The following FRS2 variants were observed in gnomAD, a reference collection of about 807,000 sequenced individuals.
FRS2 encodes the protein FGFR signalling adaptor.
A neutral mutation model predicts 43.9 loss-of-function variants in FRS2; 8 were observed. The ratio of observed to expected loss-of-function variants is 0.18; its 90% CI spans 0.11 to 0.33. FRS2 has a LOEUF of 0.33. Among genes scored for constraint, FRS2 ranks in the 10% least tolerant of loss-of-function variants. FRS2 has a pLI of 1.00. For missense variants in FRS2, 534 were observed against 627.6 expected, an observed-to-expected ratio of 0.85 and a Z score of 1.59; for synonymous variants, 219 against 220.3, an observed-to-expected ratio of 0.99 and a Z score of 0.05.
chr12:69,547,830 C>CTT (rs71094722), intron 3 of FRS2, among the ~76,000 whole-genome samples: 2,897 of 102,394 alleles, frequency 0.028, 599 homozygotes, highest in East Asian at 0.26. Flanking sequence ...TCCATTAATA[C>CTT]TTTTTTTTTT....
intron 1 of FRS2, among the ~76,000 whole-genome samples, chr12:69,475,880 A>G (rs1870717816): frequency 1.3e-5 from 2 of 152,090 alleles, no homozygotes; most frequent in South Asian, 2.1e-4. Flanking sequence ...AGCTAAATCT[A>G]TTGATATGTT....
intron 3 of FRS2, among the ~76,000 whole-genome samples, chr12:69,532,708 T>A: frequency 6.6e-6 from 1 of 152,210 alleles, no homozygotes. Context: ...GGAAGGGAAT[T>A]CACACATCTG....
chr12:69,496,576 A>G (rs534472701), intron 1 of FRS2, among the ~76,000 whole-genome samples: 1 of 152,342 alleles, frequency 6.6e-6, no homozygotes, highest in East Asian at 1.9e-4. Flanking sequence ...TGGGTTTGGT[A>G]GAGCTCTTAC....
At chr12:69,476,753 C>CGGGGGGGGAGGGGGGGGGGGGGGGGGGGG (rs1870812294) in intron 1 of FRS2, among the ~76,000 whole-genome samples, 1 of 80,110 alleles carries the variant, frequency 1.2e-5, no homozygotes. Context: ...GGGGGAGGGA[C>CGGGGGGGGAGGGGGGGGGGGGGGGGGGGG]GGGGGGGGGT....
chr12:69,519,016 G>T (rs888027138), intron 1 of FRS2, among the ~76,000 whole-genome samples: 4 of 141,396 alleles, frequency 2.8e-5, no homozygotes, highest in Non-Finnish European at 6.3e-5. Context: ...AAAAAAAAAA[G>T]TTTTAACTGG....
intron 1 of FRS2, among the ~76,000 whole-genome samples, chr12:69,483,622 T>TAA (rs1871545341): frequency 6.6e-6 from 1 of 152,100 alleles, no homozygotes. Context: ...TTACAAACTT[T>TAA]ATATTAAGTA....
chr12:69,519,968 C>G (rs922994539), intron 1 of FRS2, among the ~76,000 whole-genome samples: 1 of 152,138 alleles, frequency 6.6e-6, no homozygotes, highest in African/African-American at 2.4e-5. Context: ...GTTTTTAGCT[C>G]TTTGAGGAAT....
At chr12:69,544,480 G>T (rs1878192311) in intron 3 of FRS2, among the ~76,000 whole-genome samples, 1 of 152,144 alleles carries the variant, frequency 6.6e-6, no homozygotes. Flanking sequence ...GCTGAGGTGG[G>T]TGAGTCACTT....
At chr12:69,506,899 G>A (rs1592955042) in intron 1 of FRS2, among the ~76,000 whole-genome samples, 1 of 151,868 alleles carries the variant, frequency 6.6e-6, no homozygotes, top group East Asian at 1.9e-4. Context: ...TACATTCATG[G>A]ATTAATGGAT....
intron 1 of FRS2, among the ~76,000 whole-genome samples, chr12:69,500,827 C>G (rs1420844577): frequency 6.6e-6 from 1 of 152,130 alleles, no homozygotes; most frequent in Non-Finnish European, 1.5e-5. Context: ...TGAACCAACA[C>G]TGGTCACAGA....
At chr12:69,508,328 G>A (rs1948553323) in intron 1 of FRS2, among the ~76,000 whole-genome samples, 1 of 152,150 alleles carries the variant, frequency 6.6e-6, no homozygotes, top group African/African-American at 2.4e-5. Flanking sequence ...GAGAAAGAGA[G>A]AAAATACGGC....
intron 3 of FRS2, among the ~76,000 whole-genome samples, chr12:69,542,460 A>T (rs150753258): frequency 6.6e-6 from 1 of 152,250 alleles, no homozygotes; most frequent in Non-Finnish European, 1.5e-5. Context: ...GAGGTTATTT[A>T]AAGTATGCAG....
intron 1 of FRS2, among the ~76,000 whole-genome samples, chr12:69,518,737 A>G (rs982871942): frequency 2.0e-5 from 3 of 147,070 alleles, no homozygotes; most frequent in African/African-American, 7.6e-5. Context: ...GTTGTAGGCC[A>G]GGCACAGTGG....
In FRS2 at chr12:69,577,206, C is replaced by T. The variant is rs957671651; in HGVS notation, c.*2251C>T. ...ATCATTACAGTTTATGCTTTAAATA[C>T]TATGTGCTTTAAAAAGGAAAATGGG... On this transcript the variant is annotated 3_prime_UTR_variant, in exon 9 of 9. Coordinates refer to ENST00000549921, the MANE Select transcript of FRS2 (RefSeq NM_001278356.2). 1.3e-5 allele frequency: 2 copies of T among 151,836 alleles called. No homozygotes were observed. The highest frequency in any genetic ancestry group is 2.9e-5 in the Non-Finnish European group (2 of 67,970). 9.4% of individuals were successfully genotyped at this position (151,836 alleles called of 1,614,324 possible). A position where few individuals can be genotyped will look rare whatever the true frequency, so the allele number is the denominator to read the frequency against.
chr12:69,552,456 C>T (rs1878972744), intron 3 of FRS2, among the ~76,000 whole-genome samples: 1 of 152,028 alleles, frequency 6.6e-6, no homozygotes, highest in Non-Finnish European at 1.5e-5. Flanking sequence ...TTCTTAAACA[C>T]AACCAAGAAC....
chr12:69,562,596 A>G (rs1233505467), intron 4 of FRS2, among the ~76,000 whole-genome samples: 1 of 152,202 alleles, frequency 6.6e-6, no homozygotes, highest in Non-Finnish European at 1.5e-5. Flanking sequence ...CATGTTTACT[A>G]ATTTAAAGTA....
At chr12:69,471,837 T>G (rs928674448) in intron 1 of FRS2, among the ~76,000 whole-genome samples, 2 of 148,392 alleles carry the variant, frequency 1.3e-5, no homozygotes, top group African/African-American at 5.0e-5. Context: ...GTGTGTAGAT[T>G]AGGGTTTATT....
At chr12:69,530,499 GA>G (rs1487653444) in intron 1 of FRS2, among the ~76,000 whole-genome samples, 2 of 152,194 alleles carry the variant, frequency 1.3e-5, no homozygotes, top group Non-Finnish European at 2.9e-5. Flanking sequence ...AGCACTTTGG[GA>G]GGCTGAGATG....
At chr12:69,486,414 A>T (rs906974210) in intron 1 of FRS2, 15 of 152,186 alleles carry the variant, frequency 9.9e-5, no homozygotes, top group African/African-American at 3.4e-4. Context: ...AGGATGGTGA[A>T]CTTGATCAAT....
Sources: gnomAD v4.1 joint callset for allele counts (sites outside exome capture counted in the v4.1 genomes callset) on GRCh38, gnomAD v4.1.1 for gene constraint, MANE v1.5 for transcripts, NCBI Gene and HGNC (gene_info 2026-07-23, HGNC 2026-07-21) for gene names.